SREBF2: variants seen among roughly 807,000 people sequenced by gnomAD.
SREBF2 encodes sterol regulatory element-binding protein 2.
A neutral mutation model predicts 113.1 loss-of-function variants in SREBF2; 55 were observed. The ratio of observed to expected loss-of-function variants is 0.49; its 90% CI spans 0.39 to 0.61. The LOEUF (loss-of-function observed/expected upper bound fraction) is 0.61, where lower values mean the gene tolerates loss of function less well. SREBF2 is among the 20% of genes least tolerant of loss of function. SREBF2 has a pLI of 0.00. For synonymous variants in SREBF2, 593 were observed against 605.7 expected (o/e 0.98, Z 0.31); for missense variants, 1,349 against 1,487.4 (o/e 0.91, Z 1.53).
rs536100755 is a variant in SREBF2, at chr22:41,905,715, C to T, written c.*55C>T. On this transcript the variant is annotated 3_prime_UTR_variant, in exon 19 of 19. Coordinates refer to ENST00000361204, the MANE Select transcript of SREBF2 (RefSeq NM_004599.4). ...TCTCTCGATTTCTCTCTCTCCCCCT[C>T]AGCATCTTCCCGCTGAGAGTGGTGG... 5.3e-6 allele frequency: 8 copies of T among 1,513,892 alleles called. No homozygotes were observed. The highest frequency in any genetic ancestry group is 2.5e-5 in the East Asian group (1 of 40,760). 93.8% of individuals were successfully genotyped at this position (1,513,892 alleles called of 1,614,324 possible). A position where few individuals can be genotyped will look rare whatever the true frequency, so the allele number is the denominator to read the frequency against.
At chr22:41,854,955 T>A (rs2076964091) in intron 1 of SREBF2, among the ~76,000 whole-genome samples, 1 of 151,394 alleles carries the variant, frequency 6.6e-6, no homozygotes, top group Admixed American at 6.6e-5. Flanking sequence ...CTTGAATTCC[T>A]AGGTTCAAGC....
chr22:41,854,133 G>T (rs550948374), intron 1 of SREBF2, among the ~76,000 whole-genome samples: 97 of 114,894 alleles, frequency 8.4e-4, no homozygotes, highest in African/African-American at 2.8e-3. Flanking sequence ...CAGTTTTTTT[G>T]TTGTTGTTGT....
chr22:41,833,486 G>T lies in SREBF2; in HGVS notation c.88+128G>T. Reference sequence around the variant, plus strand: ...GCGCGGGAAGAACCCCGTGCGCACGGTGCCCCCGGCGGTCCTCAACCCTTC... The same window carrying T: ...GCGCGGGAAGAACCCCGTGCGCACGTTGCCCCCGGCGGTCCTCAACCCTTC... On this transcript the variant is annotated intron_variant, in intron 1 of 18. Transcript: ENST00000361204. This position sits in a 1 kb window ranked among gnomAD's most constrained non-coding sequence, Gnocchi z 4.1. 1 of 755,322 alleles carries T rather than the reference G, an allele frequency of 1.3e-6. No homozygotes were observed. The allele number at this position is 755,322 out of a possible 1,614,324, so 46.8% of individuals were successfully genotyped here.
At chr22:41,884,482 T>C (rs1189382768) in intron 10 of SREBF2, among the ~76,000 whole-genome samples, 1 of 152,142 alleles carries the variant, frequency 6.6e-6, no homozygotes, top group African/African-American at 2.4e-5. Flanking sequence ...AATCAGTTCA[T>C]CTAAAAAAAA....
intron 4 of SREBF2, 106 bp from the exon 5 acceptor site, chr22:41,873,692 C>T: frequency 8.9e-7 from 1 of 1,122,370 alleles, no homozygotes. Flanking sequence ...TCATGAAGTA[C>T]TGCCAGGTCT....
chr22:41,844,033 T>TAC (rs71311415), intron 1 of SREBF2, among the ~76,000 whole-genome samples: 13,173 of 123,038 alleles, frequency 0.11, 1,015 homozygotes, highest in East Asian at 0.47. Context: ...AAAAAATACA[T>TAC]ACACACACAC....
intron 1 of SREBF2, among the ~76,000 whole-genome samples, chr22:41,838,104 C>G (rs1046758270): frequency 6.6e-6 from 1 of 152,042 alleles, no homozygotes; most frequent in African/African-American, 2.4e-5. Context: ...CATTACACAC[C>G]AGGTCTTCTG....
intron 4 of SREBF2, among the ~76,000 whole-genome samples, chr22:41,873,024 C>T (rs1238392453): frequency 1.3e-5 from 2 of 151,954 alleles, no homozygotes; most frequent in Non-Finnish European, 2.9e-5. Context: ...ATGGAGAAAC[C>T]CCGTCTCTAC....
At chr22:41,877,899 C>A (rs747969597) in intron 8 of SREBF2, 43 bp from the exon 9 acceptor site, 1 of 1,612,622 alleles carries the variant, frequency 6.2e-7, no homozygotes, top group South Asian at 1.1e-5. Flanking sequence ...GGCTGCTCCG[C>A]AAGGCCTTTC....
rs1188822691 is a variant in SREBF2 at position 41,864,303 on chromosome 22, A to G, written c.89-2528A>G. 2.7e-5 allele frequency among the ~76,000 whole-genome samples: 3 copies of G among 109,620 alleles called. No individual in the cohort carries two copies. The Admixed American group carries it at 3.7e-4, about 14-fold the overall frequency. 71.9% of individuals were successfully genotyped at this position (109,620 alleles called of 152,430 possible). On this transcript the variant is annotated intron_variant, in intron 1 of 18. Transcript: ENST00000361204. ...ACACACAAAATATCAAAATATATAT[A>G]TATATGTATATATATATATATTTTT...
At chr22:41,868,485 A>G in intron 2 of SREBF2, 126 bp from the exon 3 acceptor site, 2 of 1,097,470 alleles carry the variant, frequency 1.8e-6, no homozygotes, top group Non-Finnish European at 2.8e-6. Context: ...GGCTGTGCAC[A>G]TCATCTTCAG....
intron 15 of SREBF2, chr22:41,899,999 C>T: frequency 8.0e-7 from 1 of 1,256,442 alleles, no homozygotes; most frequent in Non-Finnish European, 1.0e-6. Flanking sequence ...GGTACAACAC[C>T]TTATTGTGGC....
In SREBF2 at chr22:41,866,043, G is replaced by A. The variant is rs140668161; in HGVS notation, c.89-788G>A. Among the ~76,000 whole-genome samples the A allele has an allele frequency of 3.3e-3, 505 of 152,300 alleles. 1 individual carries two copies. Among genetic ancestry groups the A allele is most frequent in the Middle Eastern group, 6.8e-3 (2 of 294 alleles). ...AGAGGAGGCCTAGAGCCTCCCTGTG[G>A]TGAGGAGGAAAGAGGTTAGAGCAAG... On this transcript the variant is annotated intron_variant, in intron 1 of 18. Transcript: ENST00000361204.
chr22:41,843,389 C>T (rs2076846494), intron 1 of SREBF2, among the ~76,000 whole-genome samples: 1 of 152,234 alleles, frequency 6.6e-6, no homozygotes, highest in African/African-American at 2.4e-5. Flanking sequence ...TAAACAAGTT[C>T]CTTGTTCTCA....
intron 11 of SREBF2, among the ~76,000 whole-genome samples, chr22:41,886,644 C>T (rs2077301844): frequency 6.6e-6 from 1 of 152,186 alleles, no homozygotes; most frequent in Admixed American, 6.5e-5. Context: ...CTTCCTGCCC[C>T]AACCAAGGTA....
At position 41,867,051 on chromosome 22, in the gene SREBF2, G is replaced by T. The variant is rs200528058; in HGVS notation, c.309G>T (p.Ser103=). ...TCACATTACCTTCCTTCTCTCCCTC[G>T]GCGGCCTCCCCACAGGCTCCAACTC... is the stretch of plus-strand genomic sequence containing the variant. The part of the protein sequence containing the change: ...TQVTLPSFSP[S]AASPQAPTLQ... The change falls in exon 2 of 19, where the codon TCG becomes TCT. Residue 103 remains serine (S), a synonymous_variant. Coordinates refer to ENST00000361204, the MANE Select transcript of SREBF2 (RefSeq NM_004599.4). The T allele has an allele frequency of 1.9e-6, 3 of 1,614,036 alleles. No homozygotes were observed. Among genetic ancestry groups the T allele is most frequent in the Non-Finnish European group, 8.5e-7 (1 of 1,180,024 alleles).
intron 4 of SREBF2, among the ~76,000 whole-genome samples, chr22:41,872,712 G>A (rs1250834621): frequency 6.6e-6 from 1 of 151,874 alleles, no homozygotes; most frequent in African/African-American, 2.4e-5. Flanking sequence ...CCAACATGAT[G>A]AAATCCCATC....
At chr22:41,858,532 A>C (rs1220285287) in intron 1 of SREBF2, among the ~76,000 whole-genome samples, 2 of 152,136 alleles carry the variant, frequency 1.3e-5, no homozygotes, top group East Asian at 3.8e-4. Context: ...CGCATGAGGC[A>C]GGGAGTTCAA....
At chr22:41,898,867 G>A (rs531863099) in intron 15 of SREBF2, 86 bp downstream of exon 15, 16 of 1,561,808 alleles carry the variant, frequency 1.0e-5, no homozygotes, top group Middle Eastern at 3.7e-4. Context: ...CTGGGTGGGC[G>A]TGTTGGGGTG....
Sources: allele counts gnomAD v4.1 joint callset (sites outside exome capture counted in the v4.1 genomes callset), GRCh38; gene constraint gnomAD v4.1.1; non-coding constraint Gnocchi (gnomAD v3.1); transcripts MANE v1.5; gene names NCBI Gene and HGNC (gene_info 2026-07-23, HGNC 2026-07-21).